Variants in SIRT5 observed in about 807,000 individuals in gnomAD.
SIRT5 encodes NAD-dependent protein deacylase sirtuin-5, mitochondrial.
In SIRT5, 26 loss-of-function variants were observed where a neutral mutation model predicts 40.0. The observed-to-expected ratio is 0.65, with a 90% CI of 0.48 to 0.90. SIRT5 has a LOEUF of 0.90. Ranked by LOEUF, SIRT5 falls within the 40% of genes least tolerant of loss-of-function variation. The pLI is 0.00. For missense variants in SIRT5, 401 were observed against 402.4 expected, an observed-to-expected ratio of 1.00 and a Z score of 0.03; for synonymous variants, 146 against 149.1, an observed-to-expected ratio of 0.98 and a Z score of 0.15.
chr6:13,604,349 G>A, intron 9 of SIRT5: 2 of 735,640 alleles, frequency 2.7e-6, no homozygotes, highest in Non-Finnish European at 4.8e-6. Context: ...CCGGAGCTAG[G>A]CAGCTCAAGC....
At chr6:13,583,969 T>C (rs2804917) in intron 2 of SIRT5, 107 bp from the exon 3 acceptor site, 147,187 of 473,042 alleles carry the variant, frequency 0.31, 23,908 homozygotes, top group African/African-American at 0.4. Context: ...ATAATATACA[T>C]GATGCGTTTC....
chr6:13,611,746 T>C (rs1763961693), intron 9 of SIRT5, 44 bp from the exon 10 acceptor site: 1 of 1,434,858 alleles, frequency 7.0e-7, no homozygotes, highest in Admixed American at 1.7e-5. Flanking sequence ...TTCATTTTGC[T>C]AACCTGTAGT....
At chr6:13,581,081 A>G (rs1759286084) in intron 2 of SIRT5, among the ~76,000 whole-genome samples, 1 of 152,194 alleles carries the variant, frequency 6.6e-6, no homozygotes, top group African/African-American at 2.4e-5. Context: ...TAATGTTCAC[A>G]TCTTACCTAA....
intron 2 of SIRT5, 142 bp from the exon 3 acceptor site, chr6:13,583,934 G>A (rs1032215698): frequency 5.4e-5 from 20 of 371,370 alleles, no homozygotes; most frequent in African/African-American, 1.3e-4. Flanking sequence ...AAGGACATTC[G>A]TGTATGTGTG....
At chr6:13,590,955 GTT>G (rs1388235512) in intron 4 of SIRT5, among the ~76,000 whole-genome samples, 1 of 150,990 alleles carries the variant, frequency 6.6e-6, no homozygotes, top group South Asian at 2.1e-4. Context: ...TGTGTGTTTA[GTT>G]TGTGTGTGTA....
intron 9 of SIRT5, among the ~76,000 whole-genome samples, chr6:13,601,379 T>A (rs1168476771): frequency 6.6e-6 from 1 of 152,174 alleles, no homozygotes; most frequent in Non-Finnish European, 1.5e-5. Context: ...CCAAGGTTAT[T>A]TGTATCTGTG....
At chr6:13,585,506 C>G (rs573932001) in intron 3 of SIRT5, among the ~76,000 whole-genome samples, 2 of 151,314 alleles carry the variant, frequency 1.3e-5, no homozygotes, top group Non-Finnish European at 2.9e-5. Context: ...GGTTTTCTGT[C>G]CTTGCGATAG....
intron 5 of SIRT5, among the ~76,000 whole-genome samples, chr6:13,592,474 G>A (rs1761054148): frequency 6.6e-6 from 1 of 152,184 alleles, no homozygotes; most frequent in Admixed American, 6.5e-5. Context: ...TCCCCACTGA[G>A]GCTGTGCTTC....
intron 4 of SIRT5, among the ~76,000 whole-genome samples, chr6:13,588,879 G>A (rs746404347): frequency 2.0e-4 from 31 of 152,272 alleles, no homozygotes; most frequent in Non-Finnish European, 3.4e-4. Context: ...TTTATAGGAA[G>A]CCCTTCAGAA....
In SIRT5 at chr6:13,587,695, T is replaced by A. The variant is rs541601144; in HGVS notation, c.116-636T>A. Among the ~76,000 whole-genome samples the A allele has an allele frequency of 2.6e-5, 4 of 152,332 alleles. No individual in the cohort carries two copies. In the South Asian group the frequency reaches 8.3e-4, roughly 32 times the overall value. ...CTCTCGTGTTATTCTCTGTCTTCAG[T>A]TCCCTTTGCTACCCCAAGTCTCTGG... On this transcript the variant is annotated intron_variant, in intron 3 of 9. Transcript: ENST00000606117.
chr6:13,583,696 C>T (rs1759675951), intron 2 of SIRT5, among the ~76,000 whole-genome samples: 1 of 152,200 alleles, frequency 6.6e-6, no homozygotes, highest in Non-Finnish European at 1.5e-5. Flanking sequence ...CTAGAATCAC[C>T]TGGAAATAGA....
intron 9 of SIRT5, chr6:13,604,786 C>A: frequency 8.7e-7 from 1 of 1,145,126 alleles, no homozygotes; most frequent in Non-Finnish European, 1.1e-6. Context: ...AAACCACAGA[C>A]CTGTTTCAGC....
In SIRT5 at chr6:13,594,625, C is replaced by T. The variant is rs1584799357; in HGVS notation, c.476-852C>T. The stretch of plus-strand genomic sequence containing the variant: ...AGAGGGATGGACACCACATGGGGGC[C>T]GTGCGCAGCATGTGGCTGAGCTTGT... On this transcript the variant is annotated intron_variant, in intron 5 of 9. Transcript: ENST00000606117. Among the ~76,000 whole-genome samples, 4 of 152,326 alleles carry T rather than the reference C, an allele frequency of 2.6e-5. No homozygotes were observed. The South Asian group carries it at 8.3e-4, about 32-fold the overall frequency.
At chr6:13,584,428 G>A (rs1320115654) in intron 3 of SIRT5, among the ~76,000 whole-genome samples, 3 of 152,006 alleles carry the variant, frequency 2.0e-5, no homozygotes, top group African/African-American at 4.8e-5. Context: ...TCGGCTCACC[G>A]CAACCTCCGC....
At chr6:13,601,029 CTCTAATTT>C (rs1762308582) in intron 9 of SIRT5, 80 bp downstream of exon 9, 1 of 1,059,102 alleles carries the variant, frequency 9.4e-7, no homozygotes, top group Non-Finnish European at 1.4e-6. Flanking sequence ...TGACCTACTC[CTCTAATTT>C]TTAAAAAAGA....
intron 2 of SIRT5, among the ~76,000 whole-genome samples, 180 bp from the exon 3 acceptor site, chr6:13,583,895 GA>G (rs1759706270): frequency 2.0e-5 from 3 of 152,304 alleles, no homozygotes; most frequent in Admixed American, 2.0e-4. Flanking sequence ...AGCCAGTTCA[GA>G]GGATGATCTG....
At chr6:13,576,735 A>G (rs1758684443) in intron 1 of SIRT5, among the ~76,000 whole-genome samples, 1 of 152,128 alleles carries the variant, frequency 6.6e-6, no homozygotes, top group South Asian at 2.1e-4. Flanking sequence ...GCCCAGACTA[A>G]TATGGAGTTT....
chr6:13,574,527 G>A (rs1758308436), upstream of SIRT5: 1 of 152,252 alleles, frequency 6.6e-6, no homozygotes, highest in Non-Finnish European at 1.5e-5. Flanking sequence ...TTGGAGGAAG[G>A]GATGTGGGGG....
chr6:13,595,400 C>T (rs750631164), intron 5 of SIRT5, 77 bp from the exon 6 acceptor site: 2 of 1,123,782 alleles, frequency 1.8e-6, no homozygotes, highest in Non-Finnish European at 2.7e-6. Flanking sequence ...AATAAAGTAT[C>T]TTATACCCTT....
Sources: gnomAD v4.1 joint callset for allele counts (sites outside exome capture counted in the v4.1 genomes callset) on GRCh38, gnomAD v4.1.1 for gene constraint, MANE v1.5 for transcripts, NCBI Gene and HGNC (gene_info 2026-07-23, HGNC 2026-07-21) for gene names.